ARHGAP22: variants seen among roughly 807,000 people sequenced by gnomAD.
ARHGAP22 encodes the protein Rho GTPase activating protein 22.
In ARHGAP22, 48 loss-of-function variants were observed where a neutral mutation model predicts 59.1. The ratio of observed to expected loss-of-function variants is 0.81; its 90% CI spans 0.64 to 1.03. The LOEUF (loss-of-function observed/expected upper bound fraction) is 1.03. Ranked by LOEUF, ARHGAP22 falls within the 50% of genes least tolerant of loss-of-function variation. The probability of loss-of-function intolerance (pLI) is 0.00; values close to 1 mark genes in which losing one functional copy is unlikely to be tolerated. For synonymous variants in ARHGAP22, 445 were observed against 416.4 expected (o/e 1.07, Z -0.84); for missense variants, 1,015 against 958.7 (o/e 1.06, Z -0.78).
intron 1 of ARHGAP22, among the ~76,000 whole-genome samples, chr10:48,601,944 A>G (rs2060409044): frequency 6.6e-6 from 1 of 152,226 alleles, no homozygotes; most frequent in African/African-American, 2.4e-5. Flanking sequence ...CCAGGTGCAG[A>G]GGTCTTCAGA....
At chr10:48,625,516 T>A (rs1185856647) in intron 1 of ARHGAP22, among the ~76,000 whole-genome samples, 1 of 152,156 alleles carries the variant, frequency 6.6e-6, no homozygotes, top group Non-Finnish European at 1.5e-5. Flanking sequence ...TTTAAAAACA[T>A]GTGCTTGATA....
intron 3 of ARHGAP22, among the ~76,000 whole-genome samples, chr10:48,527,973 C>A (rs993342121): frequency 2.6e-5 from 4 of 152,190 alleles, no homozygotes; most frequent in Admixed American, 1.3e-4. Flanking sequence ...AGGCTGGACA[C>A]CAGCTTTGAG....
intron 3 of ARHGAP22, among the ~76,000 whole-genome samples, chr10:48,520,220 C>T (rs1189585284): frequency 6.6e-6 from 1 of 152,152 alleles, no homozygotes; most frequent in African/African-American, 2.4e-5. Flanking sequence ...ATCTCGGAGG[C>T]ATTTGTTTAG....
intron 3 of ARHGAP22, among the ~76,000 whole-genome samples, chr10:48,517,214 A>C (rs1184417573): frequency 1.3e-5 from 2 of 152,174 alleles, no homozygotes; most frequent in Non-Finnish European, 2.9e-5. Flanking sequence ...GAATTATATA[A>C]ATTCAAATTC....
chr10:48,443,841 TTTTC>T (rs779689496), downstream of ARHGAP22: 5 of 152,214 alleles, frequency 3.3e-5, no homozygotes, highest in East Asian at 5.8e-4. Flanking sequence ...GGAATCTTCC[TTTTC>T]TTTCTATTTC....
intron 8 of ARHGAP22, chr10:48,451,625 C>T (rs1236490952): frequency 1.4e-6 from 1 of 690,892 alleles, no homozygotes; most frequent in African/African-American, 1.8e-5. Context: ...GGGGCACACA[C>T]ATACAATTGC....
At chr10:48,496,087 C>T (rs1305262911) in intron 3 of ARHGAP22, among the ~76,000 whole-genome samples, 1 of 152,164 alleles carries the variant, frequency 6.6e-6, no homozygotes, top group South Asian at 2.1e-4. Flanking sequence ...AAGCCACACC[C>T]GGATTCCCGA....
At chr10:48,576,481 A>C (rs2135543363) in intron 2 of ARHGAP22, among the ~76,000 whole-genome samples, 1 of 152,382 alleles carries the variant, frequency 6.6e-6, no homozygotes, top group Non-Finnish European at 1.5e-5. Flanking sequence ...AGAAATTACA[A>C]TAACACAGAA....
chr10:48,587,737 CTG>C (rs2059514403), intron 1 of ARHGAP22, among the ~76,000 whole-genome samples: 2 of 151,840 alleles, frequency 1.3e-5, no homozygotes, highest in South Asian at 4.2e-4. Flanking sequence ...ATCCCTGATT[CTG>C]TCTCTTGTCT....
intron 1 of ARHGAP22, among the ~76,000 whole-genome samples, chr10:48,593,530 G>A (rs1319909631): frequency 6.6e-6 from 1 of 152,206 alleles, no homozygotes; most frequent in Admixed American, 6.5e-5. Context: ...AGTAAAGTAA[G>A]GGTTACTGGA....
At chr10:48,491,272 G>A (rs1387406334) in intron 3 of ARHGAP22, among the ~76,000 whole-genome samples, 1 of 152,178 alleles carries the variant, frequency 6.6e-6, no homozygotes, top group Non-Finnish European at 1.5e-5. Context: ...GCATGCTCCT[G>A]CTTCACGGTT....
chr10:48,536,014 G>T (rs1033110936), intron 3 of ARHGAP22, among the ~76,000 whole-genome samples: 1 of 152,232 alleles, frequency 6.6e-6, no homozygotes, highest in African/African-American at 2.4e-5. Flanking sequence ...GGAGAAAGGC[G>T]CAGGATGGGG....
intron 7 of ARHGAP22, 28 bp from the exon 8 acceptor site, chr10:48,453,453 A>G (rs775859847): frequency 2.5e-6 from 4 of 1,612,344 alleles, no homozygotes; most frequent in Non-Finnish European, 3.4e-6. Flanking sequence ...AGCAGTCATC[A>G]AAGAAGCAAG....
At chr10:48,522,562 G>A (rs113725294) in intron 3 of ARHGAP22, among the ~76,000 whole-genome samples, 1,711 of 152,352 alleles carry the variant, frequency 0.011, 42 homozygotes, top group African/African-American at 0.039. Context: ...GGGGTCAGGA[G>A]AGACTAAAGC....
upstream of ARHGAP22, among the ~76,000 whole-genome samples, chr10:48,605,326 C>A (rs1353510260): frequency 6.9e-6 from 1 of 145,682 alleles, no homozygotes; most frequent in African/African-American, 2.7e-5. Flanking sequence ...AGAAGGTAGC[C>A]GAGACCCCCC....
chr10:48,517,313 C>G (rs1006049652), intron 3 of ARHGAP22, among the ~76,000 whole-genome samples: 6 of 152,080 alleles, frequency 3.9e-5, no homozygotes, highest in African/African-American at 1.4e-4. Flanking sequence ...TTAGAAGAGC[C>G]GGCAAAAGAC....
intron 8 of ARHGAP22, 119 bp from the exon 9 acceptor site, chr10:48,451,259 G>A: frequency 7.3e-7 from 1 of 1,364,088 alleles, no homozygotes; most frequent in South Asian, 1.2e-5. Flanking sequence ...GAGCCAGGCC[G>A]CCCCTCAAGG....
intron 3 of ARHGAP22, among the ~76,000 whole-genome samples, chr10:48,520,392 G>A (rs112122832): frequency 0.01 from 1,588 of 152,336 alleles, 35 homozygotes; most frequent in African/African-American, 0.034. Context: ...CAGCCCAGGA[G>A]GGGCCTAAGG....
At chr10:48,590,049 G>A (rs766517732) in intron 1 of ARHGAP22, among the ~76,000 whole-genome samples, 2 of 152,162 alleles carry the variant, frequency 1.3e-5, no homozygotes, top group East Asian at 1.9e-4. Context: ...GGTAAACCAC[G>A]CCAAGGGAAG....
Sources: allele counts gnomAD v4.1 joint callset (sites outside exome capture counted in the v4.1 genomes callset), GRCh38; gene constraint gnomAD v4.1.1; transcripts MANE v1.5; gene names NCBI Gene and HGNC (gene_info 2026-07-23, HGNC 2026-07-21).